Variants in MACROD2 observed in about 807,000 individuals in gnomAD.
MACROD2 encodes ADP-ribose glycohydrolase MACROD2.
In MACROD2, 36 loss-of-function variants were observed where a neutral mutation model predicts 70.4. The ratio of observed to expected loss-of-function variants is 0.51; its 90% CI spans 0.39 to 0.68. The LOEUF (loss-of-function observed/expected upper bound fraction) is 0.68, where lower values mean the gene tolerates loss of function less well. MACROD2 is among the 30% of genes least tolerant of loss of function. The pLI is 0.00. For missense variants in MACROD2, 496 were observed against 538.4 expected (o/e 0.92, Z 0.78); for synonymous variants, 172 against 178.8 (o/e 0.96, Z 0.30).
chr20:15,264,560 T>A (rs1354756958), intron 6 of MACROD2, among the ~76,000 whole-genome samples: 4 of 152,176 alleles, frequency 2.6e-5, no homozygotes, highest in Non-Finnish European at 5.9e-5. Context: ...TAAAGACTCT[T>A]GGAGGGTGGT....
chr20:15,615,872 A>T (rs1600670748), intron 8 of MACROD2, among the ~76,000 whole-genome samples: 1 of 152,186 alleles, frequency 6.6e-6, no homozygotes, highest in Admixed American at 6.5e-5. Flanking sequence ...GTGTAAAAGT[A>T]TAATAATATA....
At chr20:15,088,398 TATATATATA>T (rs1211555437) in intron 5 of MACROD2, among the ~76,000 whole-genome samples, 2 of 6,800 alleles carry the variant, frequency 2.9e-4, no homozygotes, top group African/African-American at 9.7e-4. Context: ...TACTATATTT[TATATATATA>T]TATATATATA....
chr20:15,510,488 C>G (rs1456406398), intron 8 of MACROD2, among the ~76,000 whole-genome samples: 1 of 152,182 alleles, frequency 6.6e-6, no homozygotes, highest in Non-Finnish European at 1.5e-5. Context: ...TTTCCCCTTT[C>G]TAGTGGAAGT....
intron 4 of MACROD2, among the ~76,000 whole-genome samples, chr20:14,655,108 G>T (rs1699506215): frequency 6.6e-6 from 1 of 152,058 alleles, no homozygotes; most frequent in South Asian, 2.1e-4. Flanking sequence ...AGTGGCTATG[G>T]ATTACTTCAT....
chr20:14,006,848 T>C (rs2052830383), intron 2 of MACROD2, among the ~76,000 whole-genome samples: 1 of 152,208 alleles, frequency 6.6e-6, no homozygotes, highest in Non-Finnish European at 1.5e-5. Flanking sequence ...CCCCTTTATT[T>C]CTTATGAGTT....
intron 5 of MACROD2, among the ~76,000 whole-genome samples, chr20:14,728,126 C>T (rs2071551651): frequency 6.6e-6 from 1 of 152,000 alleles, no homozygotes; most frequent in Admixed American, 6.6e-5. Flanking sequence ...TTTTATATGT[C>T]TGCATTTTAG....
intron 13 of MACROD2, among the ~76,000 whole-genome samples, chr20:15,970,235 TC>T (rs2066209616): frequency 6.6e-6 from 1 of 151,986 alleles, no homozygotes; most frequent in Non-Finnish European, 1.5e-5. Flanking sequence ...AAGCTATTAA[TC>T]CCAGATAGAA....
At chr20:15,802,608 A>G (rs4583536) in intron 8 of MACROD2, among the ~76,000 whole-genome samples, 21,610 of 152,138 alleles carry the variant, frequency 0.14, 3,496 homozygotes, top group East Asian at 0.42. Flanking sequence ...ATCCCTTAAG[A>G]TATTAAAAAA....
intron 8 of MACROD2, among the ~76,000 whole-genome samples, chr20:15,826,288 C>T (rs182901991): frequency 8.5e-5 from 13 of 152,136 alleles, no homozygotes; most frequent in South Asian, 4.1e-4. Context: ...TAAGGGAATA[C>T]GCATGGGGGA....
chr20:14,373,553 A>G (rs1452578283), intron 3 of MACROD2, among the ~76,000 whole-genome samples: 1 of 152,172 alleles, frequency 6.6e-6, no homozygotes, highest in Non-Finnish European at 1.5e-5. Context: ...CCCTATACAC[A>G]TAAACACCAA....
At chr20:14,104,724 AGAAGATGG>A (rs1260694866) in intron 3 of MACROD2, among the ~76,000 whole-genome samples, 1 of 152,228 alleles carries the variant, frequency 6.6e-6, no homozygotes, top group East Asian at 1.9e-4. Flanking sequence ...CCCCAGCTTC[AGAAGATGG>A]ACTAAGCCCT....
At chr20:15,794,915 G>A (rs1346027261) in intron 8 of MACROD2, among the ~76,000 whole-genome samples, 1 of 152,070 alleles carries the variant, frequency 6.6e-6, no homozygotes, top group African/African-American at 2.4e-5. Context: ...ATTGAACCCC[G>A]TGGCTAGTTC....
At chr20:16,005,501 C>T (rs1000001702) in intron 15 of MACROD2, among the ~76,000 whole-genome samples, 3 of 152,242 alleles carry the variant, frequency 2.0e-5, no homozygotes, top group East Asian at 1.9e-4. Context: ...TCAGAGAGAG[C>T]GTACTTCACC....
chr20:14,468,533 G>A (rs1600271388), intron 3 of MACROD2, among the ~76,000 whole-genome samples: 1 of 148,040 alleles, frequency 6.8e-6, no homozygotes, highest in East Asian at 2.0e-4. Flanking sequence ...GGGCGTTGGG[G>A]GCACCGTCTC....
At chr20:15,206,721 G>GTTTTTTTTTTGTTTTT (rs2076707408) in intron 5 of MACROD2, among the ~76,000 whole-genome samples, 3 of 32,990 alleles carry the variant, frequency 9.1e-5, no homozygotes, top group South Asian at 1.4e-3. Flanking sequence ...TATTATCTAT[G>GTTTTTTTTTTGTTTTT]TTTTTTTTTT....
chr20:14,908,407 C>A (rs1353698410), intron 5 of MACROD2, among the ~76,000 whole-genome samples: 4 of 152,090 alleles, frequency 2.6e-5, no homozygotes, highest in African/African-American at 9.7e-5. Context: ...ATAATCCCAG[C>A]ACTTTGGGAG....
intron 8 of MACROD2, among the ~76,000 whole-genome samples, chr20:15,535,361 G>T (rs920175328): frequency 2.0e-5 from 3 of 152,066 alleles, no homozygotes; most frequent in Admixed American, 1.3e-4. Flanking sequence ...TCACAATGTG[G>T]TCCCTAGACC....
chr20:14,315,207 T>C (rs796066077), intron 3 of MACROD2, among the ~76,000 whole-genome samples: 1 of 152,212 alleles, frequency 6.6e-6, no homozygotes, highest in Non-Finnish European at 1.5e-5. Context: ...CTGTGTTATA[T>C]TGGGCAAGTT....
At chr20:14,700,332 GATATT>G (rs10538618) in intron 5 of MACROD2, among the ~76,000 whole-genome samples, 11,909 of 151,984 alleles carry the variant, frequency 0.078, 744 homozygotes, top group South Asian at 0.26. Context: ...TACATTTCAT[GATATT>G]ATAAGCTGAG....
Sources: allele counts gnomAD v4.1 joint callset (sites outside exome capture counted in the v4.1 genomes callset), GRCh38; gene constraint gnomAD v4.1.1; transcripts MANE v1.5; gene names NCBI Gene and HGNC (gene_info 2026-07-23, HGNC 2026-07-21).